Variants in SLC36A1 observed in about 807,000 individuals in gnomAD.
The protein encoded by SLC36A1 is proton-coupled amino acid transporter 1.
A neutral mutation model predicts 47.5 loss-of-function variants in SLC36A1; 30 were observed. The ratio of observed to expected loss-of-function variants is 0.63; its 90% confidence interval spans 0.47 to 0.86. The LOEUF (loss-of-function observed/expected upper bound fraction) is 0.86, where lower values mean the gene tolerates loss of function less well. Ranked by LOEUF, SLC36A1 falls within the 40% of genes least tolerant of loss-of-function variation. The pLI is 0.00. For synonymous variants in SLC36A1, 255 were observed against 249.7 expected (o/e 1.02, Z -0.20); for missense variants, 517 against 606.0 (o/e 0.85, Z 1.54).
At chr5:151,544,893 G>A in the SLC36A1 span, 1 of 1,614,168 alleles carries the variant, frequency 6.2e-7, no homozygotes, top group East Asian at 2.2e-5. Context: ...CATCTTGGAT[G>A]ATTGTGTAAT....
chr5:151,375,370 A>T, the SLC36A1 span, among the ~76,000 whole-genome samples: 4 of 152,180 alleles, frequency 2.6e-5, no homozygotes, highest in African/African-American at 9.7e-5. Flanking sequence ...ATTTGGCTAT[A>T]GACATGTGGC....
chr5:151,513,494 C>G, the SLC36A1 span, among the ~76,000 whole-genome samples: 1 of 152,110 alleles, frequency 6.6e-6, no homozygotes, highest in Admixed American at 6.5e-5. Context: ...AACACAGGAA[C>G]AGGAAATCAA....
the SLC36A1 span, among the ~76,000 whole-genome samples, chr5:151,346,072 C>T: frequency 6.6e-5 from 10 of 152,352 alleles, no homozygotes; most frequent in East Asian, 1.9e-4. Context: ...CCCCAAGCCA[C>T]GTGTCTCCCT....
the SLC36A1 span, among the ~76,000 whole-genome samples, chr5:151,356,339 C>CTAAAAAAAAAAAAAAAAA: frequency 1.9e-5 from 1 of 51,314 alleles, no homozygotes; most frequent in Non-Finnish European, 4.2e-5. Flanking sequence ...CTCTGTCTCA[C>CTAAAAAAAAAAAAAAAAA]AAAAAAAAAA....
At chr5:151,499,235 TC>T in the SLC36A1 span, among the ~76,000 whole-genome samples, 6 of 152,226 alleles carry the variant, frequency 3.9e-5, no homozygotes, top group African/African-American at 1.4e-4. Flanking sequence ...CTGAGAAAGT[TC>T]CTGCTTTTCA....
chr5:151,415,906 G>C, the SLC36A1 span, among the ~76,000 whole-genome samples: 1 of 152,164 alleles, frequency 6.6e-6, no homozygotes, highest in Non-Finnish European at 1.5e-5. Flanking sequence ...AGGAGTTCGA[G>C]ACCAGCCTGG....
the SLC36A1 span, among the ~76,000 whole-genome samples, chr5:151,532,198 A>G: frequency 1.3e-5 from 2 of 152,208 alleles, no homozygotes; most frequent in South Asian, 2.1e-4. Context: ...CTGCAAATCT[A>G]TCAAACTATC....
chr5:151,537,187 GA>G, the SLC36A1 span, among the ~76,000 whole-genome samples: 1 of 150,936 alleles, frequency 6.6e-6, no homozygotes, highest in African/African-American at 2.4e-5. Flanking sequence ...AAAGAAAGAA[GA>G]GAGAGAGAGA....
In SLC36A1 at chr5:151,466,060, A is replaced by G. The variant is rs543228210; in HGVS notation, c.419+891A>G. 6.6e-4 allele frequency among the ~76,000 whole-genome samples: 100 copies of G among 152,186 alleles called. 2 individuals are homozygous for G. The highest frequency in any genetic ancestry group is 2.4e-3 in the African/African-American group (99 of 41,532). ...ACCTTTATCCTGTGATGCAGATTAT[A>G]TAGTTCTTTTGGCCAAATTATTTTC... On this transcript the variant is annotated intron_variant, in intron 5 of 10. Coordinates refer to ENST00000243389, the MANE Select transcript of SLC36A1 (RefSeq NM_078483.4).
At chr5:151,507,700 C>T in the SLC36A1 span, 1 of 1,193,302 alleles carries the variant, frequency 8.4e-7, no homozygotes, top group Non-Finnish European at 1.1e-6. Flanking sequence ...AGAGACTGCT[C>T]CCCCCAAAAC....
chr5:151,386,017 G>A, the SLC36A1 span, among the ~76,000 whole-genome samples: 5 of 151,422 alleles, frequency 3.3e-5, no homozygotes, highest in African/African-American at 4.9e-5. Context: ...GATTATAGGC[G>A]CCCGCCACCA....
chr5:151,371,102 C>A, the SLC36A1 span, among the ~76,000 whole-genome samples: 1 of 152,090 alleles, frequency 6.6e-6, no homozygotes, highest in Non-Finnish European at 1.5e-5. Flanking sequence ...TAGCACACCT[C>A]CCTTATGTAA....
chr5:151,364,578 T>TA, the SLC36A1 span, among the ~76,000 whole-genome samples: 2 of 152,218 alleles, frequency 1.3e-5, no homozygotes, highest in Non-Finnish European at 2.9e-5. Flanking sequence ...TTAAGGATCT[T>TA]AGAGTTTCAA....
the SLC36A1 span, among the ~76,000 whole-genome samples, chr5:151,529,930 C>A: frequency 1.3e-5 from 2 of 152,206 alleles, no homozygotes; most frequent in African/African-American, 4.8e-5. Flanking sequence ...CCTTTCCCGG[C>A]TAACCAAATA....
At chr5:151,350,809 C>T in the SLC36A1 span, among the ~76,000 whole-genome samples, 1 of 151,986 alleles carries the variant, frequency 6.6e-6, no homozygotes, top group South Asian at 2.1e-4. Context: ...TCAAGTGATC[C>T]TCCCACCTCA....
At chr5:151,475,036 C>T (rs1031689363) in intron 8 of SLC36A1, among the ~76,000 whole-genome samples, 1 of 151,112 alleles carries the variant, frequency 6.6e-6, no homozygotes, top group African/African-American at 2.5e-5. Context: ...ACATGTAAAT[C>T]ACTGGTCTCC....
the SLC36A1 span, among the ~76,000 whole-genome samples, chr5:151,352,186 G>T: frequency 6.6e-6 from 1 of 152,030 alleles, no homozygotes; most frequent in East Asian, 1.9e-4. Flanking sequence ...TCTAAAGGAG[G>T]ACCCTCTGCT....
At chr5:151,512,025 C>G in the SLC36A1 span, 6 of 723,574 alleles carry the variant, frequency 8.3e-6, no homozygotes, top group South Asian at 1.9e-5. This position sits in a 1 kb window ranked among gnomAD's most constrained non-coding sequence, Gnocchi z 4.1. Context: ...TTGCAGATTC[C>G]AACCTGTTAC....
the SLC36A1 span, chr5:151,545,388 A>C: frequency 6.2e-7 from 1 of 1,614,188 alleles, no homozygotes. Flanking sequence ...TAACAGCTTC[A>C]TCAGCATTGC....
Sources: gnomAD v4.1 joint callset for allele counts (sites outside exome capture counted in the v4.1 genomes callset) on GRCh38, gnomAD v4.1.1 for gene constraint, Gnocchi (gnomAD v3.1) non-coding constraint, MANE v1.5 for transcripts, NCBI Gene and HGNC (gene_info 2026-07-23, HGNC 2026-07-21) for gene names.